NPAS3: variants seen among roughly 807,000 people sequenced by gnomAD.
NPAS3 encodes the protein neuronal PAS domain protein 3.
NPAS3 carries 14 observed loss-of-function variants against 73.1 expected under a neutral mutation model. The observed-to-expected ratio is 0.19, with a 90% CI of 0.13 to 0.30. The LOEUF (loss-of-function observed/expected upper bound fraction) is 0.30. NPAS3 is among the 10% of genes least tolerant of loss of function. The pLI, the probability that NPAS3 is intolerant of heterozygous loss-of-function variation, is 1.00. For missense variants in NPAS3, 1,096 were observed against 1,250.0 expected, an observed-to-expected ratio of 0.88 and a Z score of 1.86; for synonymous variants, 620 against 541.5, an observed-to-expected ratio of 1.14 and a Z score of -2.01.
At chr14:33,539,628 G>A (rs888093408) in intron 4 of NPAS3, among the ~76,000 whole-genome samples, 1 of 152,038 alleles carries the variant, frequency 6.6e-6, no homozygotes, top group Non-Finnish European at 1.5e-5. Flanking sequence ...CCATCCCCAA[G>A]CCCCACGTCC....
intron 3 of NPAS3, among the ~76,000 whole-genome samples, chr14:33,221,803 A>C (rs766220914): frequency 6.6e-6 from 1 of 152,132 alleles, no homozygotes; most frequent in Non-Finnish European, 1.5e-5. Context: ...TCTGCCTTTG[A>C]CTATGTCATC....
intron 3 of NPAS3, among the ~76,000 whole-genome samples, chr14:33,234,251 A>G (rs1252599009): frequency 1.3e-5 from 2 of 150,678 alleles, no homozygotes; most frequent in Non-Finnish European, 2.9e-5. Context: ...AATAAATCAA[A>G]AGTTATAAAC....
intron 2 of NPAS3, among the ~76,000 whole-genome samples, chr14:33,110,815 A>G (rs1224751850): frequency 2.6e-5 from 4 of 152,146 alleles, no homozygotes; most frequent in African/African-American, 9.7e-5. Flanking sequence ...GAACCCGGAG[A>G]GTTTAATATA....
chr14:33,176,683 C>T (rs981971910), intron 2 of NPAS3, among the ~76,000 whole-genome samples: 5 of 152,192 alleles, frequency 3.3e-5, no homozygotes, highest in African/African-American at 7.2e-5. Context: ...TGAATGTTGG[C>T]GTACAAATAT....
intron 2 of NPAS3, among the ~76,000 whole-genome samples, chr14:33,210,052 C>G (rs903718113): frequency 2.0e-5 from 3 of 152,286 alleles, no homozygotes; most frequent in East Asian, 1.9e-4. Context: ...CTGTGGCTAC[C>G]TATTTTTAAT....
chr14:33,000,020 C>A (rs1260632987), intron 1 of NPAS3, among the ~76,000 whole-genome samples: 1 of 152,108 alleles, frequency 6.6e-6, no homozygotes, highest in African/African-American at 2.4e-5. Context: ...TGACCTAGTA[C>A]ACAAAGGAGA....
At chr14:33,642,755 T>G (rs537210678) in intron 5 of NPAS3, among the ~76,000 whole-genome samples, 4 of 152,246 alleles carry the variant, frequency 2.6e-5, no homozygotes, top group African/African-American at 9.6e-5. Context: ...ACAGAGCATA[T>G]TGTTTGTGGT....
chr14:32,946,431 T>C (rs890451868), intron 1 of NPAS3, among the ~76,000 whole-genome samples: 2 of 151,890 alleles, frequency 1.3e-5, no homozygotes, highest in East Asian at 1.9e-4. Flanking sequence ...TAACTTTTTT[T>C]CCTCTATGCC....
chr14:33,756,201 G>A (rs1184146171), intron 7 of NPAS3, among the ~76,000 whole-genome samples: 2 of 152,128 alleles, frequency 1.3e-5, no homozygotes. Flanking sequence ...ATCAGAGTCA[G>A]TAATGAGTAA....
chr14:33,127,131 T>A (rs1343792376), intron 2 of NPAS3, among the ~76,000 whole-genome samples: 2 of 152,058 alleles, frequency 1.3e-5, no homozygotes, highest in Non-Finnish European at 2.9e-5. Flanking sequence ...GGGCATATTC[T>A]TTGGGACTTC....
At chr14:33,527,271 C>T (rs1004398405) in intron 4 of NPAS3, among the ~76,000 whole-genome samples, 3 of 152,164 alleles carry the variant, frequency 2.0e-5, no homozygotes, top group Non-Finnish European at 4.4e-5. Flanking sequence ...AATGAATCTT[C>T]CTAGCCCTAT....
At chr14:33,113,712 G>C (rs1199761844) in intron 2 of NPAS3, among the ~76,000 whole-genome samples, 1 of 152,160 alleles carries the variant, frequency 6.6e-6, no homozygotes, top group Non-Finnish European at 1.5e-5. Flanking sequence ...ATATTGAATA[G>C]GAGTGGTGAG....
In NPAS3 at chr14:33,792,819, A is replaced by G. The variant is rs184030154; in HGVS notation, c.1154-1078A>G. On this transcript the variant is annotated intron_variant, in intron 9 of 11. Coordinates refer to ENST00000356141, the Ensembl canonical transcript of NPAS3. ...TTTTTCATTTCAGCAGACGGAGGCA[A>G]GGACATGCCAAAAGTGGGCGACGTA... Among the ~76,000 whole-genome samples the G allele has an allele frequency of 1.1e-3, 160 of 152,340 alleles. 1 individual carries two copies. Among genetic ancestry groups the G allele is most frequent in the African/African-American group, 3.8e-3 (156 of 41,576 alleles).
chr14:33,124,854 A>G (rs1044400672), intron 2 of NPAS3, among the ~76,000 whole-genome samples: 1 of 152,128 alleles, frequency 6.6e-6, no homozygotes, highest in African/African-American at 2.4e-5. Flanking sequence ...AGAAAAGGGC[A>G]ATGATAAATT....
intron 7 of NPAS3, among the ~76,000 whole-genome samples, chr14:33,756,188 T>C (rs1372160839): frequency 2.6e-5 from 4 of 152,178 alleles, no homozygotes; most frequent in African/African-American, 4.8e-5. Flanking sequence ...AAAGTAATCA[T>C]TTATCAGAGT....
chr14:33,527,276 C>A (rs770353638), intron 4 of NPAS3, among the ~76,000 whole-genome samples: 1 of 152,162 alleles, frequency 6.6e-6, no homozygotes, highest in Non-Finnish European at 1.5e-5. Context: ...ATCTTCCTAG[C>A]CCTATCCTGT....
At chr14:33,604,752 T>G (rs1193957519) in intron 5 of NPAS3, among the ~76,000 whole-genome samples, 1 of 152,106 alleles carries the variant, frequency 6.6e-6, no homozygotes, top group Non-Finnish European at 1.5e-5. Context: ...TCATACAAAA[T>G]ATGTTCTCTG....
chr14:33,669,906 GTTTT>G (rs917606442), intron 5 of NPAS3, among the ~76,000 whole-genome samples: 10 of 151,816 alleles, frequency 6.6e-5, no homozygotes, highest in Admixed American at 2.0e-4. Context: ...TTTTTTGGGG[GTTTT>G]TTGTTTGCTT....
At chr14:33,652,463 C>A (rs1012460454) in intron 5 of NPAS3, among the ~76,000 whole-genome samples, 1 of 152,094 alleles carries the variant, frequency 6.6e-6, no homozygotes, top group South Asian at 2.1e-4. Context: ...CTCTGGGCAC[C>A]GACAGAAATT....
Sources: gnomAD v4.1 joint callset for allele counts (sites outside exome capture counted in the v4.1 genomes callset) on GRCh38, gnomAD v4.1.1 for gene constraint, MANE v1.5 for transcripts, NCBI Gene and HGNC (gene_info 2026-07-23, HGNC 2026-07-21) for gene names.